The following ITPR2 variants were observed in gnomAD, a reference collection of about 807,000 sequenced individuals.
ITPR2 encodes inositol 1,4,5-trisphosphate-gated calcium channel ITPR2.
A neutral mutation model predicts 317.1 loss-of-function variants in ITPR2; 207 were observed. The ratio of observed to expected loss-of-function variants is 0.65; its 90% CI spans 0.58 to 0.73. ITPR2 has a LOEUF of 0.73. Ranked by LOEUF, ITPR2 falls within the 30% of genes least tolerant of loss-of-function variation. The probability of loss-of-function intolerance (pLI) is 0.00; values close to 1 mark genes in which losing one functional copy is unlikely to be tolerated. For synonymous variants in ITPR2, 1,156 were observed against 1,149.1 expected (o/e 1.01, Z -0.12); for missense variants, 2,613 against 3,284.0 (o/e 0.80, Z 4.99).
chr12:26,345,184 AC>A (rs1416997202), intron 55 of ITPR2, among the ~76,000 whole-genome samples: 1 of 152,162 alleles, frequency 6.6e-6, no homozygotes, highest in South Asian at 2.1e-4. Flanking sequence ...GAAAAAAAAA[AC>A]AACTTAAATT....
At chr12:26,368,125 C>T (rs1029433646) in intron 55 of ITPR2, among the ~76,000 whole-genome samples, 3 of 152,202 alleles carry the variant, frequency 2.0e-5, no homozygotes, top group Admixed American at 1.3e-4. Context: ...TGCTTTTCTT[C>T]GAGCTTGGTA....
At chr12:26,571,777 T>A (rs552131596) in intron 34 of ITPR2, among the ~76,000 whole-genome samples, 10 of 152,330 alleles carry the variant, frequency 6.6e-5, no homozygotes, top group Middle Eastern at 3.4e-3. Context: ...TTTCACTAGA[T>A]TTTCCAACAC....
chr12:26,826,003 T>C (rs541348101), intron 1 of ITPR2, among the ~76,000 whole-genome samples: 1 of 152,312 alleles, frequency 6.6e-6, no homozygotes, highest in Non-Finnish European at 1.5e-5. Context: ...ACAACAGCCA[T>C]CATTTGGAAG....
chr12:26,482,554 A>T (rs1942567197), intron 42 of ITPR2, among the ~76,000 whole-genome samples: 1 of 152,220 alleles, frequency 6.6e-6, no homozygotes, highest in South Asian at 2.1e-4. Flanking sequence ...GTTTTTCCTT[A>T]ACTTTAAATC....
At chr12:26,473,586 T>G (rs1274808076) in intron 45 of ITPR2, among the ~76,000 whole-genome samples, 1 of 152,230 alleles carries the variant, frequency 6.6e-6, no homozygotes. Flanking sequence ...CTTTTTGACC[T>G]TGCTTGTCTT....
chr12:26,573,001 A>C (rs1370605309), intron 34 of ITPR2, among the ~76,000 whole-genome samples: 1 of 129,770 alleles, frequency 7.7e-6, no homozygotes, highest in Non-Finnish European at 1.6e-5. Flanking sequence ...GATTTCATTT[A>C]TTTATTTATT....
At position 26,663,683 on chromosome 12, in the gene ITPR2, A is replaced by AT. The variant is rs1178908356; in HGVS notation, c.1713+1_1713+2insA. The AT allele has an allele frequency of 1.2e-6, 2 of 1,608,968 alleles. No individual in the cohort carries two copies. The highest frequency in any genetic ancestry group is 1.7e-6 in the Non-Finnish European group (2 of 1,178,372). ...AGTTTAAAATGGGGGCTACCCTCTG[A>AT]CCTGATTTTTCCGGTAATCCTGCTG... On this transcript the variant is annotated splice_donor_variant, in intron 15 of 56. Transcript: ENST00000381340. LOFTEE classifies it high-confidence loss of function.
At chr12:26,674,754 C>T (rs1328069082) in intron 13 of ITPR2, among the ~76,000 whole-genome samples, 3 of 152,108 alleles carry the variant, frequency 2.0e-5, no homozygotes, top group South Asian at 4.1e-4. Context: ...TCAGAGTGAA[C>T]AGGCAACCCA....
chr12:26,485,807 C>A (rs979130796), intron 41 of ITPR2, among the ~76,000 whole-genome samples: 2 of 152,100 alleles, frequency 1.3e-5, no homozygotes, highest in South Asian at 2.1e-4. Flanking sequence ...AACAATATAA[C>A]CTTACCAGAG....
At chr12:26,646,702 GTATC>G (rs1030514945) in intron 21 of ITPR2, among the ~76,000 whole-genome samples, 1 of 152,156 alleles carries the variant, frequency 6.6e-6, no homozygotes, top group African/African-American at 2.4e-5. Context: ...GTGGTTGCCT[GTATC>G]TTATTCTCTA....
At chr12:26,608,802 A>AAAAG (rs1555166017) in intron 26 of ITPR2, among the ~76,000 whole-genome samples, 10 of 149,020 alleles carry the variant, frequency 6.7e-5, no homozygotes, top group South Asian at 2.1e-4. Context: ...AAAAAAAAAA[A>AAAAG]AACACATCAG....
At chr12:26,356,572 T>A (rs1938647893) in intron 55 of ITPR2, among the ~76,000 whole-genome samples, 1 of 152,192 alleles carries the variant, frequency 6.6e-6, no homozygotes, top group Non-Finnish European at 1.5e-5. Context: ...CATAGATCAG[T>A]TTTACACAAA....
intron 54 of ITPR2, among the ~76,000 whole-genome samples, chr12:26,398,427 TAACA>T (rs996884530): frequency 3.3e-5 from 5 of 151,860 alleles, no homozygotes; most frequent in Non-Finnish European, 5.9e-5. Flanking sequence ...CATCTCAAAA[TAACA>T]AACAAACAAA....
chr12:26,754,851 G>C (rs1284774896), intron 2 of ITPR2, among the ~76,000 whole-genome samples: 1 of 152,150 alleles, frequency 6.6e-6, no homozygotes, highest in East Asian at 1.9e-4. Flanking sequence ...AAATTGTACA[G>C]GGTTATAAAA....
At chr12:26,780,977 G>A (rs903942657) in intron 2 of ITPR2, among the ~76,000 whole-genome samples, 1 of 152,194 alleles carries the variant, frequency 6.6e-6, no homozygotes, top group Admixed American at 6.5e-5. Flanking sequence ...TGGCTGGGGT[G>A]ACTGACCCAG....
intron 5 of ITPR2, among the ~76,000 whole-genome samples, chr12:26,721,756 C>T (rs1030965574): frequency 6.6e-6 from 1 of 152,008 alleles, no homozygotes; most frequent in Non-Finnish European, 1.5e-5. Context: ...AATTTATGTG[C>T]AATACACACA....
chr12:26,484,114 T>C (rs550951089), intron 41 of ITPR2, among the ~76,000 whole-genome samples: 18 of 151,668 alleles, frequency 1.2e-4, no homozygotes, highest in African/African-American at 3.4e-4. Flanking sequence ...TATGTATACA[T>C]GTACATATAT....
chr12:26,658,158 T>A, intron 16 of ITPR2, 28 bp from the exon 17 acceptor site: 1 of 1,497,640 alleles, frequency 6.7e-7, no homozygotes, highest in East Asian at 2.3e-5. Context: ...TTAAATGGAA[T>A]ATGAAGACAA....
intron 32 of ITPR2, among the ~76,000 whole-genome samples, chr12:26,582,965 G>C (rs1260933881): frequency 6.6e-6 from 1 of 151,940 alleles, no homozygotes; most frequent in Non-Finnish European, 1.5e-5. Context: ...CCTTGTAGGG[G>C]CTTCTGTGTT....
Sources: gnomAD v4.1 joint callset for allele counts (sites outside exome capture counted in the v4.1 genomes callset) on GRCh38, gnomAD v4.1.1 for gene constraint, MANE v1.5 for transcripts, NCBI Gene and HGNC (gene_info 2026-07-23, HGNC 2026-07-21) for gene names.